The following ABI2 variants were observed in gnomAD, a reference collection of about 807,000 sequenced individuals.
The protein encoded by ABI2 is abl interactor 2.
ABI2 carries 25 observed loss-of-function variants against 59.2 expected under a neutral mutation model. That is an observed-to-expected ratio of 0.42 (90% CI 0.31 to 0.59). The LOEUF (loss-of-function observed/expected upper bound fraction) is 0.59. Ranked by LOEUF, ABI2 falls within the 20% of genes least tolerant of loss-of-function variation. The pLI is 0.14. For synonymous variants in ABI2, 213 were observed against 235.5 expected, an observed-to-expected ratio of 0.90 and a Z score of 0.87; for missense variants, 545 against 681.8, an observed-to-expected ratio of 0.80 and a Z score of 2.23.
intron 11 of ABI2, among the ~76,000 whole-genome samples, chr2:203,420,689 A>G (rs1288121431): frequency 6.6e-6 from 1 of 151,974 alleles, no homozygotes; most frequent in Non-Finnish European, 1.5e-5. Context: ...CACCACGCCC[A>G]GCCGACAGTC....
At chr2:203,422,351 A>G (rs1312819196) in intron 11 of ABI2, among the ~76,000 whole-genome samples, 1 of 152,174 alleles carries the variant, frequency 6.6e-6, no homozygotes, top group Admixed American at 6.5e-5. Flanking sequence ...TGCTTAGAAA[A>G]TCTCAGGTAC....
intron 1 of ABI2, among the ~76,000 whole-genome samples, chr2:203,361,765 C>T (rs2093550193): frequency 6.6e-6 from 1 of 152,180 alleles, no homozygotes; most frequent in African/African-American, 2.4e-5. Flanking sequence ...TTAACATAGA[C>T]ATTCTCCATC....
chr2:203,386,027 A>G (rs540036331), intron 4 of ABI2, among the ~76,000 whole-genome samples: 32 of 152,146 alleles, frequency 2.1e-4, no homozygotes, highest in Non-Finnish European at 4.0e-4. Context: ...TTCAGCTTTG[A>G]TTTTCCTCAG....
rs1486135051 is a variant in ABI2, at chr2:203,403,333, T to A, written c.1192+599T>A. The A allele has an allele frequency of 2.6e-5, 4 of 154,762 alleles. No individual in the cohort carries two copies. The Admixed American group carries it at 2.6e-4, about 10-fold the overall frequency. 9.6% of individuals were successfully genotyped at this position (154,762 alleles called of 1,614,324 possible). A position where few individuals can be genotyped will look rare whatever the true frequency, so the allele number is the denominator to read the frequency against. On this transcript the variant is annotated intron_variant, in intron 9 of 11. Transcript: ENST00000261018. ...ACTCCCCAGAGAGGGCAAGAACAAA[T>A]ATTAGACACCATGGCTATTGTGGAC...
At chr2:203,374,056 G>T (rs1389245652) in intron 2 of ABI2, among the ~76,000 whole-genome samples, 1 of 152,120 alleles carries the variant, frequency 6.6e-6, no homozygotes, top group Non-Finnish European at 1.5e-5. Flanking sequence ...CTACTCAGGA[G>T]GCTGAGGCGG....
intron 8 of ABI2, among the ~76,000 whole-genome samples, chr2:203,400,978 ATAAGTCT>A (rs2097195213): frequency 6.6e-6 from 1 of 152,190 alleles, no homozygotes; most frequent in Non-Finnish European, 1.5e-5. Flanking sequence ...TCCATATTAC[ATAAGTCT>A]TATCTCACTG....
intron 10 of ABI2, among the ~76,000 whole-genome samples, chr2:203,413,248 G>C (rs1255523724): frequency 6.6e-6 from 1 of 152,134 alleles, no homozygotes. Flanking sequence ...GCAACTAAGT[G>C]GTTATTTTCT....
intron 2 of ABI2, among the ~76,000 whole-genome samples, chr2:203,370,222 CT>C (rs2095013341): frequency 1.5e-5 from 2 of 132,586 alleles, no homozygotes; most frequent in Non-Finnish European, 3.4e-5. Context: ...CTCTCTCTCT[CT>C]CTCTTTCTGT....
intron 2 of ABI2, among the ~76,000 whole-genome samples, chr2:203,379,157 T>A (rs1029476908): frequency 1.3e-5 from 2 of 152,212 alleles, no homozygotes; most frequent in African/African-American, 2.4e-5. Flanking sequence ...TTAATAAATA[T>A]AAATAAATTA....
intron 11 of ABI2, among the ~76,000 whole-genome samples, 191 bp downstream of exon 11, chr2:203,417,272 T>A (rs569639761): frequency 4.8e-4 from 73 of 152,358 alleles, no homozygotes; most frequent in African/African-American, 1.7e-3. Flanking sequence ...TATTTGATTT[T>A]AAAAAACTGA....
chr2:203,385,276 C>T (rs754142697), intron 4 of ABI2, among the ~76,000 whole-genome samples: 5 of 151,218 alleles, frequency 3.3e-5, no homozygotes, highest in Non-Finnish European at 7.4e-5. Flanking sequence ...GGACTACAGG[C>T]GCCCGCCACC....
chr2:203,431,592 G>C lies in ABI2; in HGVS notation c.*4240G>C, dbSNP rs1009318843. 2 of 152,024 alleles carry C rather than the reference G, an allele frequency of 1.3e-5. No homozygotes were observed. The highest frequency in any genetic ancestry group is 4.8e-5 in the African/African-American group (2 of 41,360). The allele number at this position is 152,024 out of a possible 1,614,324, so 9.4% of individuals were successfully genotyped here. On this transcript the variant is annotated 3_prime_UTR_variant, in exon 12 of 12. Transcript: ENST00000261018. ...GGAGCACAGCACAGCAGCCTTATTG[G>C]AGAGAGCCTTATAAAAGTGATTAAA...
At chr2:203,371,137 T>C (rs2095138827) in intron 2 of ABI2, among the ~76,000 whole-genome samples, 1 of 152,244 alleles carries the variant, frequency 6.6e-6, no homozygotes, top group African/African-American at 2.4e-5. Flanking sequence ...GAATTCCTTA[T>C]TTTTGCGATT....
At chr2:203,387,479 A>G (rs898022473) in intron 4 of ABI2, among the ~76,000 whole-genome samples, 2 of 152,154 alleles carry the variant, frequency 1.3e-5, no homozygotes, top group Non-Finnish European at 2.9e-5. Context: ...CCTATTGGGA[A>G]AGTGTTTGAG....
chr2:203,365,830 C>T lies in ABI2; in HGVS notation c.118-1047C>T, dbSNP rs547442813. 9.0e-3 allele frequency among the ~76,000 whole-genome samples: 1,361 copies of T among 151,798 alleles called. 9 individuals carry two copies. The highest frequency in any genetic ancestry group is 0.013 in the Non-Finnish European group (857 of 67,924). ...ATTTTTAGTAGAGACGGGGTTTCAC[C>T]GTGTTAGCCAGGATGGTCTCAATCT... On this transcript the variant is annotated intron_variant, in intron 1 of 11. Coordinates refer to ENST00000261018, the MANE Select transcript of ABI2 (RefSeq NM_001375670.1).
intron 1 of ABI2, among the ~76,000 whole-genome samples, chr2:203,336,529 ACCT>A (rs1414713668): frequency 9.2e-5 from 14 of 152,116 alleles, no homozygotes; most frequent in Admixed American, 9.2e-4. Flanking sequence ...GTGCCTCATC[ACCT>A]CCTAGTTCCC....
intron 11 of ABI2, among the ~76,000 whole-genome samples, chr2:203,424,744 T>G (rs1291094642): frequency 6.6e-6 from 1 of 152,184 alleles, no homozygotes; most frequent in Non-Finnish European, 1.5e-5. Flanking sequence ...TTTGAAAAAG[T>G]TAATTTTAAA....
chr2:203,389,315 T>C (rs548137084), intron 4 of ABI2, among the ~76,000 whole-genome samples: 5 of 152,356 alleles, frequency 3.3e-5, no homozygotes, highest in Non-Finnish European at 5.9e-5. Context: ...TGCTTCACTT[T>C]AAAATATTGA....
At chr2:203,415,407 A>G (rs530731988) in intron 10 of ABI2, among the ~76,000 whole-genome samples, 6 of 151,998 alleles carry the variant, frequency 3.9e-5, no homozygotes, top group Non-Finnish European at 7.4e-5. Flanking sequence ...CACAGGGTCA[A>G]GAGATCTAGA....
Sources: gnomAD v4.1 joint callset for allele counts (sites outside exome capture counted in the v4.1 genomes callset) on GRCh38, gnomAD v4.1.1 for gene constraint, MANE v1.5 for transcripts, NCBI Gene and HGNC (gene_info 2026-07-23, HGNC 2026-07-21) for gene names.